The following SH3PXD2B variants were observed in gnomAD, a reference collection of about 807,000 sequenced individuals.
SH3PXD2B encodes SH3 and PX domain-containing protein 2B.
Under a neutral mutation model 73.1 loss-of-function variants are expected in SH3PXD2B, and 37 were observed. The observed-to-expected ratio is 0.51, with a 90% CI of 0.39 to 0.67. SH3PXD2B has a LOEUF of 0.67. SH3PXD2B is among the 30% of genes least tolerant of loss of function. SH3PXD2B has a pLI of 0.00. For synonymous variants in SH3PXD2B, 457 were observed against 480.5 expected (o/e 0.95, Z 0.64); for missense variants, 1,053 against 1,197.8 (o/e 0.88, Z 1.78).
chr5:172,373,823 GGAAA>G lies in SH3PXD2B; in HGVS notation c.402-12_402-9del. 2 of 1,613,982 alleles carry G rather than the reference GGAAA, an allele frequency of 1.2e-6. No homozygotes were observed. The highest frequency in any genetic ancestry group is 1.7e-6 in the Non-Finnish European group (2 of 1,179,918). ...TTTTTCCCAATGTGCTCCCTGTACA[GGAAA>G]GAAAGGGGGTGGGAAGAGTAACGAG... is the stretch of plus-strand genomic sequence containing the variant. On this transcript the variant is annotated splice_polypyrimidine_tract_variant and intron_variant, in intron 5 of 12. Transcript: ENST00000311601.
At chr5:172,387,341 G>T (rs1473607951) in intron 4 of SH3PXD2B, among the ~76,000 whole-genome samples, 1 of 152,200 alleles carries the variant, frequency 6.6e-6, no homozygotes, top group African/African-American at 2.4e-5. Flanking sequence ...GGCTGCTTCA[G>T]GGCTTTAGCT....
chr5:172,356,980 T>G (rs1482365703), intron 8 of SH3PXD2B, among the ~76,000 whole-genome samples: 2 of 151,968 alleles, frequency 1.3e-5, no homozygotes, highest in Admixed American at 6.6e-5. Context: ...CTAGTAGACA[T>G]AATTCCATTC....
In SH3PXD2B at chr5:172,401,433, C is replaced by T. The variant is rs540456792; in HGVS notation, c.232+4844G>A. ...AAATCTTCTGGATTAAACCCCACGACTTGGATTAAGTCTATTGGGGGCTCC... is the reference window on the plus strand; with the variant it reads ...AAATCTTCTGGATTAAACCCCACGATTTGGATTAAGTCTATTGGGGGCTCC... On this transcript the variant is annotated intron_variant, in intron 3 of 12. Transcript: ENST00000311601. Among the ~76,000 whole-genome samples the T allele has an allele frequency of 3.5e-4, 53 of 152,304 alleles. 1 individual carries two copies. In the South Asian group the frequency reaches 0.01, roughly 30 times the overall value.
downstream of SH3PXD2B, among the ~76,000 whole-genome samples, chr5:172,329,698 C>T (rs958388590): frequency 3.8e-4 from 57 of 151,898 alleles, no homozygotes; most frequent in African/African-American, 1.1e-3. Context: ...CCACCACGCC[C>T]GGCTAATTTT....
At chr5:172,391,608 G>A (rs1208630337) in intron 4 of SH3PXD2B, among the ~76,000 whole-genome samples, 7 of 152,060 alleles carry the variant, frequency 4.6e-5, no homozygotes, top group East Asian at 1.9e-4. Context: ...GATTACAAGC[G>A]TGTGCCACTA....
chr5:172,444,886 G>C (rs148333695), intron 1 of SH3PXD2B, among the ~76,000 whole-genome samples: 7 of 152,110 alleles, frequency 4.6e-5, no homozygotes, highest in East Asian at 1.9e-4. Flanking sequence ...GGCCTTCCTG[G>C]GGGGGGACCA....
intron 4 of SH3PXD2B, 75 bp downstream of exon 4, chr5:172,394,488 A>G: frequency 6.8e-7 from 1 of 1,477,534 alleles, no homozygotes; most frequent in Non-Finnish European, 9.4e-7. Context: ...ATTGTTGAGC[A>G]TCTTGTAGCC....
chr5:172,435,756 A>G (rs1412703336), intron 1 of SH3PXD2B, among the ~76,000 whole-genome samples: 1 of 152,026 alleles, frequency 6.6e-6, no homozygotes, highest in African/African-American at 2.4e-5. Flanking sequence ...AACAGCTATA[A>G]CCTTTCTGAA....
chr5:172,333,017 C>A (rs1756592372), downstream of SH3PXD2B, among the ~76,000 whole-genome samples: 1 of 151,362 alleles, frequency 6.6e-6, no homozygotes, highest in Non-Finnish European at 1.5e-5. Context: ...CTCACTGCAA[C>A]CTCCGCCTCC....
Position 172,337,750 on chromosome 5 carries a change from A to AGGCCCACTCCT in SH3PXD2B, c.*608_*618dup. The AGGCCCACTCCT allele has an allele frequency of 1.0e-6, 1 of 994,856 alleles. No homozygotes were observed. The highest frequency in any genetic ancestry group is 1.7e-5 in the African/African-American group (1 of 57,378). 61.6% of individuals were successfully genotyped at this position (994,856 alleles called of 1,614,324 possible). A position where few individuals can be genotyped will look rare whatever the true frequency, so the allele number is the denominator to read the frequency against. ...AGGCAGGGCGGCTGAGCGGATCTCCAGGCCCACTCCTGGGGGAGCCGCATC... is the reference window on the plus strand; with the variant it reads ...AGGCAGGGCGGCTGAGCGGATCTCCAGGCCCACTCCTGGCCCACTCCTGGGGGAGCCGCATC... On this transcript the variant is annotated 3_prime_UTR_variant, in exon 13 of 13. Transcript: ENST00000311601.
At chr5:172,439,661 T>C (rs1341383845) in intron 1 of SH3PXD2B, among the ~76,000 whole-genome samples, 1 of 138,294 alleles carries the variant, frequency 7.2e-6, no homozygotes, top group African/African-American at 3.1e-5. Context: ...AAAAACCAGG[T>C]ATGTGTGTGC....
rs143964007 is a variant in SH3PXD2B, at chr5:172,351,316, T to C, written c.786-727A>G. Among the ~76,000 whole-genome samples the C allele has an allele frequency of 7.3e-4, 111 of 152,276 alleles. 2 individuals carry two copies. The East Asian group carries it at 0.017, about 23-fold the overall frequency. On this transcript the variant is annotated intron_variant, in intron 9 of 12. Coordinates refer to ENST00000311601, the MANE Select transcript of SH3PXD2B (RefSeq NM_001017995.3). ...AGCTATTTATTATTTCTTGTAGAGA[T>C]GGGGTGTTGCTATGTTGCTCAGGCT...
At chr5:172,343,561 G>T (rs1756905825) in intron 12 of SH3PXD2B, among the ~76,000 whole-genome samples, 1 of 152,194 alleles carries the variant, frequency 6.6e-6, no homozygotes, top group Non-Finnish European at 1.5e-5. Context: ...ACCGCTTTGG[G>T]AGGCTTAGGC....
At chr5:172,405,141 T>G (rs1487516368) in intron 3 of SH3PXD2B, among the ~76,000 whole-genome samples, 1 of 152,244 alleles carries the variant, frequency 6.6e-6, no homozygotes, top group East Asian at 1.9e-4. Flanking sequence ...GGTAAGAATT[T>G]GGAGGGATGG....
chr5:172,337,018 C>A lies in SH3PXD2B; in HGVS notation c.*1351G>T, dbSNP rs1756714772. On this transcript the variant is annotated 3_prime_UTR_variant, in exon 13 of 13. Transcript: ENST00000311601. ...GGACCGCTGCATGCTATGCTCAGAG[C>A]CCTCCAGGCTGGCCCTCGAGGCCAC... The A allele has an allele frequency of 1.0e-6, 1 of 985,582 alleles. No homozygotes were observed. Among genetic ancestry groups the A allele is most frequent in the Non-Finnish European group, 1.2e-6 (1 of 830,040 alleles). 61.1% of individuals were successfully genotyped at this position (985,582 alleles called of 1,614,324 possible). A position where few individuals can be genotyped will look rare whatever the true frequency, so the allele number is the denominator to read the frequency against.
downstream of SH3PXD2B, among the ~76,000 whole-genome samples, chr5:172,331,269 C>T (rs555142933): frequency 6.6e-6 from 1 of 152,020 alleles, no homozygotes; most frequent in Non-Finnish European, 1.5e-5. Flanking sequence ...GTAGACTATA[C>T]CAGGTAAGGT....
At chr5:172,439,407 T>C (rs1396778173) in intron 1 of SH3PXD2B, among the ~76,000 whole-genome samples, 1 of 152,110 alleles carries the variant, frequency 6.6e-6, no homozygotes, top group East Asian at 1.9e-4. Context: ...TTTCCATTTC[T>C]TCACACCTGG....
intron 1 of SH3PXD2B, among the ~76,000 whole-genome samples, chr5:172,435,653 G>A (rs890425782): frequency 6.6e-6 from 1 of 152,132 alleles, no homozygotes; most frequent in African/African-American, 2.4e-5. Context: ...GGAACTCCTG[G>A]CCTCAAGCGA....
chr5:172,417,241 G>A (rs995107192), intron 2 of SH3PXD2B, among the ~76,000 whole-genome samples: 8 of 152,174 alleles, frequency 5.3e-5, no homozygotes, highest in Admixed American at 3.3e-4. Context: ...GGTTGGTCCC[G>A]AATAGCCTGG....
Sources: allele counts gnomAD v4.1 joint callset (sites outside exome capture counted in the v4.1 genomes callset), GRCh38; gene constraint gnomAD v4.1.1; transcripts MANE v1.5; gene names NCBI Gene and HGNC (gene_info 2026-07-23, HGNC 2026-07-21).